The following MPPED1 variants were observed in gnomAD, a reference collection of about 807,000 sequenced individuals.
MPPED1 encodes metallophosphoesterase domain containing 1.
In MPPED1, 16 loss-of-function variants were observed where a neutral mutation model predicts 36.2. The ratio of observed to expected loss-of-function variants is 0.44; its 90% CI spans 0.30 to 0.67. The LOEUF is 0.67. Among genes scored for constraint, MPPED1 ranks in the 30% least tolerant of loss-of-function variants. The pLI, the probability that MPPED1 is intolerant of heterozygous loss-of-function variation, is 0.10. For synonymous variants in MPPED1, 199 were observed against 191.3 expected, an observed-to-expected ratio of 1.04 and a Z score of -0.33; for missense variants, 307 against 453.4, an observed-to-expected ratio of 0.68 and a Z score of 2.93.
At chr22:43,498,482 G>A in intron 5 of MPPED1, 132 bp downstream of exon 5, 1 of 627,108 alleles carries the variant, frequency 1.6e-6, no homozygotes, top group Non-Finnish European at 2.7e-6. Flanking sequence ...GGGGCACTGA[G>A]GACACGTCGC....
chr22:43,487,872 AGCGACT>A (rs1342110678), intron 4 of MPPED1, among the ~76,000 whole-genome samples: 1 of 152,120 alleles, frequency 6.6e-6, no homozygotes, highest in Non-Finnish European at 1.5e-5. Flanking sequence ...TAGACGTGAC[AGCGACT>A]GCTTAAGGGG....
intron 3 of MPPED1, among the ~76,000 whole-genome samples, chr22:43,447,156 T>C (rs1930375193): frequency 6.6e-6 from 1 of 152,168 alleles, no homozygotes; most frequent in African/African-American, 2.4e-5. Context: ...CGTGTGAGTC[T>C]TCCTCTTCCT....
intron 3 of MPPED1, among the ~76,000 whole-genome samples, chr22:43,467,635 A>G (rs191122779): frequency 7.9e-5 from 12 of 152,342 alleles, no homozygotes; most frequent in African/African-American, 2.2e-4. Flanking sequence ...TCTCCTAGAC[A>G]TCGGCAAGTG....
intron 4 of MPPED1, among the ~76,000 whole-genome samples, chr22:43,490,304 C>T (rs1452711176): frequency 6.6e-6 from 1 of 152,178 alleles, no homozygotes; most frequent in East Asian, 1.9e-4. Flanking sequence ...GACCCGCTGC[C>T]CTGTTGAGAT....
chr22:43,476,793 T>A (rs1931590919), intron 4 of MPPED1, among the ~76,000 whole-genome samples: 1 of 151,980 alleles, frequency 6.6e-6, no homozygotes, highest in Non-Finnish European at 1.5e-5. Context: ...CACTTGAGGA[T>A]GTGATGAGGT....
intron 5 of MPPED1, among the ~76,000 whole-genome samples, chr22:43,499,923 G>A (rs867525154): frequency 1.3e-4 from 7 of 52,508 alleles, no homozygotes; most frequent in South Asian, 5.8e-4. Context: ...GGAGGTGGTG[G>A]TGGTGATGGT....
At chr22:43,451,566 C>T (rs572182056) in intron 3 of MPPED1, among the ~76,000 whole-genome samples, 1 of 152,208 alleles carries the variant, frequency 6.6e-6, no homozygotes, top group African/African-American at 2.4e-5. Context: ...TTGACAGCCA[C>T]GACACTGAAG....
At chr22:43,466,578 C>G (rs181934586) in intron 3 of MPPED1, among the ~76,000 whole-genome samples, 1 of 152,192 alleles carries the variant, frequency 6.6e-6, no homozygotes, top group Admixed American at 6.5e-5. Context: ...ATCTGAGGGC[C>G]TTGCTGAGCC....
At chr22:43,437,061 CAAG>C (rs1278685497) in intron 3 of MPPED1, among the ~76,000 whole-genome samples, 1 of 152,204 alleles carries the variant, frequency 6.6e-6, no homozygotes, top group Non-Finnish European at 1.5e-5. Context: ...GACCCTCACT[CAAG>C]GAGGAATGGG....
intron 3 of MPPED1, among the ~76,000 whole-genome samples, chr22:43,449,199 G>A (rs148596742): frequency 6.6e-6 from 1 of 152,268 alleles, no homozygotes; most frequent in African/African-American, 2.4e-5. Flanking sequence ...CAGCAATAAT[G>A]ACTTCTGGAC....
At chr22:43,418,387 T>G (rs757993459) in intron 1 of MPPED1, 1 of 341,964 alleles carries the variant, frequency 2.9e-6, no homozygotes, top group Non-Finnish European at 5.8e-6. Flanking sequence ...TCCTCCAAGA[T>G]CTTCCTCACA....
In MPPED1 at chr22:43,475,025, G is replaced by A. The variant is rs1251299869; in HGVS notation, c.632+64G>A. The A allele has an allele frequency of 2.7e-6, 4 of 1,477,080 alleles. No homozygotes were observed. The African/African-American group carries it at 5.6e-5, about 21-fold the overall frequency. The allele number at this position is 1,477,080 out of a possible 1,614,324, so 91.5% of individuals were successfully genotyped here. ...ACCAGAGCTGAGGCTGAGCGCAGGGGGTGTAGGGGATGGGAGTAGCAGCAG... is the reference window on the plus strand; with the variant it reads ...ACCAGAGCTGAGGCTGAGCGCAGGGAGTGTAGGGGATGGGAGTAGCAGCAG... On this transcript the variant is annotated intron_variant, in intron 4 of 6. Coordinates refer to ENST00000443721, the MANE Select transcript of MPPED1 (RefSeq NM_001044370.2).
intron 4 of MPPED1, among the ~76,000 whole-genome samples, chr22:43,495,297 AGGTGATGGT>A (rs1419579223): frequency 3.1e-5 from 3 of 96,850 alleles, no homozygotes; most frequent in Non-Finnish European, 6.3e-5. Context: ...GTGGTGATGG[AGGTGATGGT>A]GGTGATGGTG....
intron 3 of MPPED1, among the ~76,000 whole-genome samples, chr22:43,458,517 C>G (rs1442501589): frequency 6.6e-6 from 1 of 152,144 alleles, no homozygotes; most frequent in Non-Finnish European, 1.5e-5. Flanking sequence ...ATCTCCTGAC[C>G]TCGTGATCCG....
At chr22:43,419,670 C>T (rs958124545) in intron 1 of MPPED1, among the ~76,000 whole-genome samples, 5 of 145,320 alleles carry the variant, frequency 3.4e-5, no homozygotes, top group South Asian at 4.4e-4. Flanking sequence ...GACATTCCTT[C>T]GGGAGGCCGG....
In MPPED1 at chr22:43,470,550, C is replaced by A. The variant is rs1163078575; in HGVS notation, c.407-4186C>A. 4.6e-5 allele frequency among the ~76,000 whole-genome samples: 7 copies of A among 152,222 alleles called. No individual in the cohort carries two copies. The East Asian group carries it at 1.3e-3, about 29-fold the overall frequency. On this transcript the variant is annotated intron_variant, in intron 3 of 6. Transcript: ENST00000443721. ...GCATGCATCCATCTATCCATGTGTG[C>A]ATCCATATATCCATCCATCTATAAA...
intron 4 of MPPED1, among the ~76,000 whole-genome samples, chr22:43,475,607 ATGG>A (rs1168204847): frequency 1.7e-5 from 2 of 115,854 alleles, no homozygotes; most frequent in South Asian, 3.1e-4. Flanking sequence ...GGTGGTGATG[ATGG>A]TGGTGATGGT....
chr22:43,468,192 C>A (rs1931240285), intron 3 of MPPED1, among the ~76,000 whole-genome samples: 1 of 152,166 alleles, frequency 6.6e-6, no homozygotes, highest in Non-Finnish European at 1.5e-5. Flanking sequence ...CTAGCAAATG[C>A]CAGGATGTTG....
At chr22:43,451,102 G>T (rs1601969699) in intron 3 of MPPED1, among the ~76,000 whole-genome samples, 1 of 151,310 alleles carries the variant, frequency 6.6e-6, no homozygotes, top group Admixed American at 6.6e-5. Flanking sequence ...AGCCTCCCAG[G>T]TTCAAGCGAT....
Sources: gnomAD v4.1 joint callset for allele counts (sites outside exome capture counted in the v4.1 genomes callset) on GRCh38, gnomAD v4.1.1 for gene constraint, MANE v1.5 for transcripts, NCBI Gene and HGNC (gene_info 2026-07-23, HGNC 2026-07-21) for gene names.